AKAP6: variants seen among roughly 807,000 people sequenced by gnomAD.
The protein encoded by AKAP6 is A-kinase anchoring protein 6.
Under a neutral mutation model 188.5 loss-of-function variants are expected in AKAP6, and 58 were observed. That is an observed-to-expected ratio of 0.31 (90% CI 0.25 to 0.38). The LOEUF (loss-of-function observed/expected upper bound fraction) is 0.38. AKAP6 is among the 10% of genes least tolerant of loss of function. The pLI, the probability that AKAP6 is intolerant of heterozygous loss-of-function variation, is 1.00. For missense variants in AKAP6, 2,710 were observed against 2,740.0 expected, an observed-to-expected ratio of 0.99 and a Z score of 0.24; for synonymous variants, 989 against 998.6, an observed-to-expected ratio of 0.99 and a Z score of 0.18.
intron 11 of AKAP6, among the ~76,000 whole-genome samples, chr14:32,771,540 T>G (rs2032898198): frequency 6.6e-6 from 1 of 152,150 alleles, no homozygotes. Flanking sequence ...CAATGATCTT[T>G]ATGAAAAATT....
intron 9 of AKAP6, among the ~76,000 whole-genome samples, chr14:32,709,148 T>G (rs577009543): frequency 6.6e-6 from 1 of 152,074 alleles, no homozygotes; most frequent in African/African-American, 2.4e-5. Context: ...GAAAAAGAAA[T>G]AAAGTATGGA....
chr14:32,594,487 CTTCCGA>C (rs1885610246), intron 5 of AKAP6, among the ~76,000 whole-genome samples: 1 of 152,154 alleles, frequency 6.6e-6, no homozygotes, highest in African/African-American at 2.4e-5. Flanking sequence ...TCATAGAAAT[CTTCCGA>C]TTCTTGGTAT....
intron 2 of AKAP6, among the ~76,000 whole-genome samples, chr14:32,468,529 C>G (rs182723145): frequency 7.3e-4 from 97 of 132,558 alleles, no homozygotes; most frequent in East Asian, 3.5e-3. Flanking sequence ...CTTTAGACAT[C>G]CTGTAATCAC....
intron 13 of AKAP6, among the ~76,000 whole-genome samples, chr14:32,829,111 T>C (rs1224863491): frequency 3.9e-5 from 6 of 152,214 alleles, no homozygotes; most frequent in African/African-American, 1.4e-4. Context: ...GGTATTTAGG[T>C]GTTCCTCACA....
At chr14:32,636,715 A>T (rs1887507988) in intron 7 of AKAP6, among the ~76,000 whole-genome samples, 1 of 152,146 alleles carries the variant, frequency 6.6e-6, no homozygotes, top group Non-Finnish European at 1.5e-5. Context: ...AGTGTTCAGC[A>T]TGACACTAGC....
chr14:32,801,092 G>T (rs1048636604), intron 12 of AKAP6, among the ~76,000 whole-genome samples: 12 of 151,898 alleles, frequency 7.9e-5, no homozygotes, highest in Non-Finnish European at 7.4e-5. Context: ...GTCTATTCTG[G>T]CAATCTCTAT....
chr14:32,577,394 A>C, intron 5 of AKAP6, 152 bp downstream of exon 5: 1 of 949,998 alleles, frequency 1.1e-6, no homozygotes, highest in Non-Finnish European at 1.5e-6. Context: ...GAAAATTTAC[A>C]GGCATTTCAA....
intron 7 of AKAP6, among the ~76,000 whole-genome samples, chr14:32,660,348 A>C (rs1888634523): frequency 6.6e-6 from 1 of 152,148 alleles, no homozygotes. Flanking sequence ...CCATTAAGGT[A>C]GCAGATGGCA....
chr14:32,780,581 A>G (rs537946033), intron 12 of AKAP6, among the ~76,000 whole-genome samples: 1 of 152,314 alleles, frequency 6.6e-6, no homozygotes, highest in African/African-American at 2.4e-5. Context: ...CAGAATATAC[A>G]TTTAAGTGCA....
intron 1 of AKAP6, among the ~76,000 whole-genome samples, chr14:32,340,192 CAT>C (rs1020747403): frequency 2.0e-5 from 3 of 151,594 alleles, no homozygotes; most frequent in East Asian, 1.9e-4. Context: ...GATAATAAAA[CAT>C]ATTTGTTTTT....
rs183010414 is a variant in AKAP6 at position 32,778,867 on chromosome 14, A to G, written c.3588+4974A>G. ...TAGCTTATAACTCTTTAAAAACATAACAAAAAGCTATAATGAGTAGGCCAA... is the reference window on the plus strand; with the variant it reads ...TAGCTTATAACTCTTTAAAAACATAGCAAAAAGCTATAATGAGTAGGCCAA... On this transcript the variant is annotated intron_variant, in intron 12 of 13. Transcript: ENST00000280979. Among the ~76,000 whole-genome samples, 75 of 152,024 alleles carry G rather than the reference A, an allele frequency of 4.9e-4. No homozygotes were observed. The East Asian group carries it at 0.014, about 28-fold the overall frequency.
chr14:32,427,294 G>A (rs1890067390), intron 1 of AKAP6, among the ~76,000 whole-genome samples: 1 of 152,162 alleles, frequency 6.6e-6, no homozygotes, highest in Admixed American at 6.5e-5. Context: ...AGGGCATTGG[G>A]GTGGGCAGGG....
At chr14:32,675,778 A>G (rs1016884609) in intron 7 of AKAP6, among the ~76,000 whole-genome samples, 1 of 152,204 alleles carries the variant, frequency 6.6e-6, no homozygotes, top group Non-Finnish European at 1.5e-5. Flanking sequence ...TAACATTTCA[A>G]TCATTTTGTA....
At chr14:32,376,360 C>T (rs552868357) in intron 1 of AKAP6, among the ~76,000 whole-genome samples, 2 of 152,224 alleles carry the variant, frequency 1.3e-5, no homozygotes, top group South Asian at 2.1e-4. Flanking sequence ...GTGTCTTATT[C>T]GTGGTGGTCA....
chr14:32,631,586 C>A (rs1269781745), intron 7 of AKAP6, among the ~76,000 whole-genome samples: 1 of 151,994 alleles, frequency 6.6e-6, no homozygotes, highest in African/African-American at 2.4e-5. Flanking sequence ...AGATTGGATT[C>A]TATTTATATT....
chr14:32,677,969 A>C (rs1161892040), intron 7 of AKAP6, among the ~76,000 whole-genome samples: 1 of 152,226 alleles, frequency 6.6e-6, no homozygotes, highest in Non-Finnish European at 1.5e-5. Context: ...TTTAAAAAAT[A>C]AGTGCTACAT....
rs140565699 is a variant in AKAP6 at position 32,583,799 on chromosome 14, CCGGTG to C, written c.2469+6560_2469+6564del. ...TGAGCCAGGTGCGGGATATAATCTCCCGGTGCGCCGTTTTTTAAGCCCGTCAGAAA... is the reference window on the plus strand; with the variant it reads ...TGAGCCAGGTGCGGGATATAATCTCCCGCCGTTTTTTAAGCCCGTCAGAAA... On this transcript the variant is annotated intron_variant, in intron 5 of 13. Coordinates refer to ENST00000280979, the MANE Select transcript of AKAP6 (RefSeq NM_004274.5). 8.3e-3 allele frequency among the ~76,000 whole-genome samples: 1,270 copies of C among 152,290 alleles called. 3 individuals carry two copies. Among genetic ancestry groups the C allele is most frequent in the Non-Finnish European group, 0.012 (795 of 68,016 alleles).
At chr14:32,629,940 C>G (rs1031480331) in intron 7 of AKAP6, among the ~76,000 whole-genome samples, 3 of 152,040 alleles carry the variant, frequency 2.0e-5, no homozygotes, top group Non-Finnish European at 2.9e-5. Context: ...TGATAATACT[C>G]TGCCATAATT....
intron 12 of AKAP6, among the ~76,000 whole-genome samples, chr14:32,819,616 G>C (rs923800482): frequency 6.6e-6 from 1 of 152,104 alleles, no homozygotes; most frequent in African/African-American, 2.4e-5. Flanking sequence ...TTTATGAATT[G>C]ACTCAAGACC....
Sources: allele counts gnomAD v4.1 joint callset (sites outside exome capture counted in the v4.1 genomes callset), GRCh38; gene constraint gnomAD v4.1.1; transcripts MANE v1.5; gene names NCBI Gene and HGNC (gene_info 2026-07-23, HGNC 2026-07-21).